The following PCDH11X variants were observed in gnomAD, a reference collection of about 807,000 sequenced individuals.
PCDH11X encodes the protein protocadherin-11 X-linked.
Under a neutral mutation model 53.3 loss-of-function variants are expected in PCDH11X, and 18 were observed. That is an observed-to-expected ratio of 0.34 (90% CI 0.23 to 0.50). The LOEUF (loss-of-function observed/expected upper bound fraction) is 0.50, where lower values mean the gene tolerates loss of function less well. Among genes scored for constraint, PCDH11X ranks in the 20% least tolerant of loss-of-function variants. The probability of loss-of-function intolerance (pLI) is 0.98; values close to 1 mark genes in which losing one functional copy is unlikely to be tolerated. For synonymous variants in PCDH11X, 279 were observed against 393.3 expected (o/e 0.71, Z 3.44); for missense variants, 570 against 1,032.4 (o/e 0.55, Z 6.14).
intron 9 of PCDH11X, among the ~76,000 whole-genome samples, chrX:92,443,629 GT>G (rs1278316130): frequency 9.1e-6 from 1 of 109,678 alleles, no homozygotes; most frequent in Non-Finnish European, 1.9e-5. Context: ...TGTTTTCTAG[GT>G]TTTCTTCTAG....
chrX:91,821,231 G>A (rs1936668527), intron 4 of PCDH11X, among the ~76,000 whole-genome samples: 1 of 110,319 alleles, frequency 9.1e-6, no homozygotes, highest in African/African-American at 3.4e-5. Flanking sequence ...TAGCTTGATG[G>A]GGATGGCATT....
intron 8 of PCDH11X, among the ~76,000 whole-genome samples, chrX:92,303,232 C>T (rs2068758300): frequency 9.0e-6 from 1 of 111,249 alleles, no homozygotes; most frequent in African/African-American, 3.3e-5. Context: ...AAGAAGATAA[C>T]AGCTCCATGG....
chrX:91,977,459 T>C (rs1345180333), intron 6 of PCDH11X, among the ~76,000 whole-genome samples: 2 of 112,130 alleles, frequency 1.8e-5, no homozygotes, highest in Admixed American at 1.9e-4. Flanking sequence ...CTTATAACTG[T>C]ACCTATGCAG....
chrX:92,209,203 G>A (rs1412589096), intron 7 of PCDH11X, among the ~76,000 whole-genome samples: 1 of 111,526 alleles, frequency 9.0e-6, no homozygotes, highest in East Asian at 2.8e-4. Flanking sequence ...CTTCCCAGCA[G>A]GCCCCTAAAG....
chrX:92,165,063 G>GA (rs1235753919), intron 6 of PCDH11X, among the ~76,000 whole-genome samples: 1 of 107,510 alleles, frequency 9.3e-6, no homozygotes, highest in Non-Finnish European at 1.9e-5. Context: ...TCAGCAGTGT[G>GA]AAAACAGACT....
At chrX:92,606,666 C>A (rs1926859650) in intron 10 of PCDH11X, among the ~76,000 whole-genome samples, 1 of 110,716 alleles carries the variant, frequency 9.0e-6, no homozygotes. Flanking sequence ...CAAAAAAATA[C>A]ATTATACCTC....
intron 7 of PCDH11X, among the ~76,000 whole-genome samples, chrX:92,220,712 G>A (rs1380105546): frequency 9.1e-6 from 1 of 109,588 alleles, no homozygotes; most frequent in Non-Finnish European, 1.9e-5. Flanking sequence ...TATACCCAAA[G>A]GACTATAAAT....
chrX:92,578,698 C>T (rs1177440510), intron 10 of PCDH11X, among the ~76,000 whole-genome samples: 2 of 110,189 alleles, frequency 1.8e-5, no homozygotes, highest in Admixed American at 1.9e-4. Context: ...TGACTCTATC[C>T]ACCTTGCCAT....
chrX:92,250,613 A>T (rs868085126), intron 7 of PCDH11X, among the ~76,000 whole-genome samples: 1 of 106,615 alleles, frequency 9.4e-6, no homozygotes, highest in Non-Finnish European at 1.9e-5. Context: ...ATATATATAA[A>T]ATAATATGTA....
rs1406437339 is a variant in PCDH11X at position 92,201,377 on chromosome X, A to T, written c.3036A>T (p.Pro1012=). Residue 1012 remains proline (P), a splice_region_variant and synonymous_variant, in exon 7 of 11, where the codon CCA becomes CCT. Transcript: ENST00000682573. ...TTCTATTTTCTTCCCTTCTAAAGCC[A>T]ATGAAGGAGGTTGTGCGATCTTGCA... The part of the protein sequence containing the change: ...EVPVSVHTRP[P]MKEVVRSCTP... 8.4e-7 allele frequency: 1 copy of T among 1,196,159 alleles called. No individual in the cohort carries two copies. The highest frequency in any genetic ancestry group is 1.1e-6 in the Non-Finnish European group (1 of 886,550).
At chrX:92,013,154 C>T (rs1277896931) in intron 6 of PCDH11X, among the ~76,000 whole-genome samples, 1 of 111,476 alleles carries the variant, frequency 9.0e-6, no homozygotes, top group African/African-American at 3.3e-5. Context: ...CCCAAAATCT[C>T]CTTAAGCTGA....
At chrX:92,370,707 C>G (rs2070601253) in intron 8 of PCDH11X, among the ~76,000 whole-genome samples, 1 of 111,479 alleles carries the variant, frequency 9.0e-6, no homozygotes, top group Admixed American at 9.5e-5. Flanking sequence ...ATCCGCCCGC[C>G]TCAGCCTCCC....
At chrX:91,894,926 G>A (rs983493869) in intron 6 of PCDH11X, among the ~76,000 whole-genome samples, 4 of 110,773 alleles carry the variant, frequency 3.6e-5, no homozygotes, top group African/African-American at 6.6e-5. Context: ...ACACATTAAA[G>A]AAACATGCTG....
At chrX:92,223,424 A>G (rs2066915908) in intron 7 of PCDH11X, among the ~76,000 whole-genome samples, 1 of 111,783 alleles carries the variant, frequency 8.9e-6, no homozygotes, top group Admixed American at 9.6e-5. Context: ...CCTATGTCAT[A>G]TTCCCCCAGT....
intron 6 of PCDH11X, among the ~76,000 whole-genome samples, chrX:92,006,642 T>C (rs370837953): frequency 2.7e-5 from 3 of 110,518 alleles, no homozygotes; most frequent in East Asian, 5.8e-4. Flanking sequence ...GGTGAGGTCA[T>C]GTTTTTCTGG....
chrX:92,424,561 T>C (rs1301014338), intron 9 of PCDH11X, among the ~76,000 whole-genome samples: 2 of 96,012 alleles, frequency 2.1e-5, no homozygotes, highest in Non-Finnish European at 4.6e-5. Context: ...AACATTTCTG[T>C]TTCTAGGACT....
chrX:92,298,139 C>G (rs1603260902), intron 8 of PCDH11X, among the ~76,000 whole-genome samples: 1 of 111,699 alleles, frequency 9.0e-6, no homozygotes, highest in African/African-American at 3.3e-5. Flanking sequence ...CCTTTTATTT[C>G]TTTCTCTTGT....
intron 10 of PCDH11X, among the ~76,000 whole-genome samples, chrX:92,575,144 T>G (rs1341596691): frequency 9.0e-6 from 1 of 110,862 alleles, no homozygotes; most frequent in Non-Finnish European, 1.9e-5. Context: ...TATAGTTACT[T>G]AAATTTGGGC....
chrX:92,212,568 G>A (rs1047008498), intron 7 of PCDH11X, among the ~76,000 whole-genome samples: 2 of 110,530 alleles, frequency 1.8e-5, no homozygotes, highest in Non-Finnish European at 1.9e-5. Flanking sequence ...CAGGCTGGTC[G>A]CAAACTGCCG....
Sources: gnomAD v4.1 joint callset for allele counts (sites outside exome capture counted in the v4.1 genomes callset) on GRCh38, gnomAD v4.1.1 for gene constraint, MANE v1.5 for transcripts, NCBI Gene and HGNC (gene_info 2026-07-23, HGNC 2026-07-21) for gene names.